AGPAT4: variants seen among roughly 807,000 people sequenced by gnomAD.
AGPAT4 encodes 1-acyl-sn-glycerol-3-phosphate acyltransferase delta.
Under a neutral mutation model 48.0 loss-of-function variants are expected in AGPAT4, and 15 were observed. That is an observed-to-expected ratio of 0.31 (90% CI 0.21 to 0.48). AGPAT4 has a LOEUF of 0.48. AGPAT4 is among the 20% of genes least tolerant of loss of function. AGPAT4 has a pLI of 0.99. For synonymous variants in AGPAT4, 178 were observed against 198.7 expected, an observed-to-expected ratio of 0.90 and a Z score of 0.88; for missense variants, 314 against 482.5, an observed-to-expected ratio of 0.65 and a Z score of 3.27.
rs1562331686 is a variant in AGPAT4, at chr6:161,192,034, C to CTT, written c.179-25618_179-25617insAA. 3.0e-4 allele frequency among the ~76,000 whole-genome samples: 39 copies of CTT among 131,938 alleles called. 1 individual carries two copies. Among genetic ancestry groups the CTT allele is most frequent in the African/African-American group, 1.3e-3 (36 of 28,434 alleles). The allele number at this position is 131,938 out of a possible 152,430, so 86.6% of individuals were successfully genotyped here. On this transcript the variant is annotated intron_variant, in intron 2 of 8. Coordinates refer to ENST00000320285, the MANE Select transcript of AGPAT4 (RefSeq NM_020133.3). ...CAAGGATTGTCCTATTTTGTGCATT[C>CTT]CTTTTTTTTTTTTTTTGTCTCATGT...
At chr6:161,167,181 G>A (rs771614749) in intron 2 of AGPAT4, among the ~76,000 whole-genome samples, 1 of 152,096 alleles carries the variant, frequency 6.6e-6, no homozygotes. Context: ...TGAAGTTGAC[G>A]GTGTTCAGTA....
intron 2 of AGPAT4, among the ~76,000 whole-genome samples, chr6:161,190,963 C>A (rs991300546): frequency 7.9e-5 from 12 of 152,188 alleles, no homozygotes; most frequent in African/African-American, 2.7e-4. Context: ...TTTTTCCAGT[C>A]TGGATTTCCC....
In AGPAT4 at chr6:161,131,161, C is replaced by A; in HGVS notation, c.*5379G>T. 1 of 297,086 alleles carries A rather than the reference C, an allele frequency of 3.4e-6. No individual in the cohort carries two copies. 18.4% of individuals were successfully genotyped at this position (297,086 alleles called of 1,614,324 possible). On this transcript the variant is annotated 3_prime_UTR_variant, in exon 9 of 9. Transcript: ENST00000320285. The stretch of plus-strand genomic sequence containing the variant: ...ACAAGACTGCCTTGTTTTAAAAAAA[C>A]AAATTAAATGTAAAAATTGTATGAC...
At chr6:161,256,351 G>T (rs1038789548) in intron 1 of AGPAT4, among the ~76,000 whole-genome samples, 3 of 152,184 alleles carry the variant, frequency 2.0e-5, no homozygotes, top group Admixed American at 1.3e-4. Flanking sequence ...GAAGAATTAG[G>T]CTTTGTGCCT....
chr6:161,249,750 G>A lies in AGPAT4; in HGVS notation c.-89-17448C>T, dbSNP rs1210110675. On this transcript the variant is annotated intron_variant, in intron 1 of 8. Coordinates refer to ENST00000320285, the MANE Select transcript of AGPAT4 (RefSeq NM_020133.3). The surrounding 1 kb of genome is among the most constrained non-coding windows in gnomAD (Gnocchi z 6.2). ...TTCAACCATTGTGGAAAACAGTGTC[G>A]CAATTCCTCAAAGACCTAAAAACAG... Among the ~76,000 whole-genome samples, 7 of 152,250 alleles carry A rather than the reference G, an allele frequency of 4.6e-5. No homozygotes were observed. The highest frequency in any genetic ancestry group is 2.1e-4 in the South Asian group (1 of 4,818).
chr6:161,133,156 A>G lies in AGPAT4; in HGVS notation c.*3384T>C, dbSNP rs897607386. The G allele has an allele frequency of 1.3e-5, 2 of 152,206 alleles. No individual in the cohort carries two copies. The highest frequency in any genetic ancestry group is 1.3e-4 in the Admixed American group (2 of 15,280). 9.4% of individuals were successfully genotyped at this position (152,206 alleles called of 1,614,324 possible). The stretch of plus-strand genomic sequence containing the variant: ...TGGTCAATATTTATGAATAAGTTCT[A>G]AAGCCTATGCGAAGCCCATTCTGTT... On this transcript the variant is annotated 3_prime_UTR_variant, in exon 9 of 9. Coordinates refer to ENST00000320285, the MANE Select transcript of AGPAT4 (RefSeq NM_020133.3).
At chr6:161,186,059 AC>A (rs1780759329) in intron 2 of AGPAT4, among the ~76,000 whole-genome samples, 1 of 152,008 alleles carries the variant, frequency 6.6e-6, no homozygotes. Context: ...TTTTCTCCTC[AC>A]CCCATTAACA....
chr6:161,177,344 T>G lies in AGPAT4; in HGVS notation c.179-10927A>C, dbSNP rs971892376. The stretch of plus-strand genomic sequence containing the variant: ...TTCTTGGAGGCTTTGTTTGTTTCTT[T>G]TTACTCTTCTTTCTCTAAACTTCTC... On this transcript the variant is annotated intron_variant, in intron 2 of 8. Transcript: ENST00000320285. This position sits in a 1 kb window ranked among gnomAD's most constrained non-coding sequence, Gnocchi z 5.0. 6.6e-6 allele frequency among the ~76,000 whole-genome samples: 1 copy of G among 152,212 alleles called. No individual in the cohort carries two copies. The highest frequency in any genetic ancestry group is 2.4e-5 in the African/African-American group (1 of 41,452).
Position 161,246,361 on chromosome 6 carries a change from T to C in AGPAT4, c.-89-14059A>G, listed in dbSNP as rs1459030077. 6.6e-6 allele frequency among the ~76,000 whole-genome samples: 1 copy of C among 152,202 alleles called. No individual in the cohort carries two copies. Among genetic ancestry groups the C allele is most frequent in the East Asian group, 1.9e-4 (1 of 5,200 alleles). ...AAAAATTCATTGATTCATATTTAAG[T>C]TCTACTATATACTAACATTGCATTA... On this transcript the variant is annotated intron_variant, in intron 1 of 8. Transcript: ENST00000320285. The surrounding 1 kb of genome is among the most constrained non-coding windows in gnomAD (Gnocchi z 5.5).
Position 161,161,153 on chromosome 6 carries a change from G to A in AGPAT4, c.348+5095C>T, listed in dbSNP as rs1285567412. The A allele has an allele frequency of 2.6e-5, 12 of 456,592 alleles. No individual in the cohort carries two copies. In the East Asian group the frequency reaches 3.5e-4, roughly 13 times the overall value. The allele number at this position is 456,592 out of a possible 1,614,324, so 28.3% of individuals were successfully genotyped here. ...TTTCAACAACCCTGGCTTTATGAGCGGTGGGATCAGACTCTGGCTTGTTAA... is the reference window on the plus strand; with the variant it reads ...TTTCAACAACCCTGGCTTTATGAGCAGTGGGATCAGACTCTGGCTTGTTAA... On this transcript the variant is annotated intron_variant, in intron 3 of 8. Transcript: ENST00000320285. This position sits in a 1 kb window ranked among gnomAD's most constrained non-coding sequence, Gnocchi z 4.6.
chr6:161,137,432 A>G lies in AGPAT4; in HGVS notation c.1043-798T>C, dbSNP rs954180880. ...ATGATGCACAGGATTATCTAGCATT[A>G]GCATCGCGGTCGATAAACTAACTGG... On this transcript the variant is annotated intron_variant, in intron 8 of 8. Transcript: ENST00000320285. This position sits in a 1 kb window ranked among gnomAD's most constrained non-coding sequence, Gnocchi z 6.1. 6.6e-5 allele frequency among the ~76,000 whole-genome samples: 10 copies of G among 152,358 alleles called. No individual in the cohort carries two copies. The highest frequency in any genetic ancestry group is 6.5e-4 in the Admixed American group (10 of 15,302).
rs1197994733 is a variant in AGPAT4, at chr6:161,208,328, A to G, written c.178+23708T>C. ...AACTTCCCTAACAATGTGCTCTTGT[A>G]CATTTATCATCTTTCTGGCTTTGGC... is the stretch of plus-strand genomic sequence containing the variant. On this transcript the variant is annotated intron_variant, in intron 2 of 8. Coordinates refer to ENST00000320285, the MANE Select transcript of AGPAT4 (RefSeq NM_020133.3). This position sits in a 1 kb window ranked among gnomAD's most constrained non-coding sequence, Gnocchi z 4.6. 6.6e-6 allele frequency among the ~76,000 whole-genome samples: 1 copy of G among 152,176 alleles called. No homozygotes were observed. The highest frequency in any genetic ancestry group is 1.5e-5 in the Non-Finnish European group (1 of 68,036).
rs969798877 is a variant in AGPAT4, at chr6:161,148,362, C to G, written c.767+825G>C. 2.6e-5 allele frequency among the ~76,000 whole-genome samples: 4 copies of G among 152,212 alleles called. No individual in the cohort carries two copies. The highest frequency in any genetic ancestry group is 5.9e-5 in the Non-Finnish European group (4 of 68,044). ...AAGCTACTTAACTTTGGCCGCCAGT[C>G]CACCAAAATATCTCCCAGGAAAGCC... On this transcript the variant is annotated intron_variant, in intron 6 of 8. Coordinates refer to ENST00000320285, the MANE Select transcript of AGPAT4 (RefSeq NM_020133.3). This position sits in a 1 kb window ranked among gnomAD's most constrained non-coding sequence, Gnocchi z 5.5.
rs1361738781 is a variant in AGPAT4 at position 161,147,421 on chromosome 6, T to C, written c.768-822A>G. Among the ~76,000 whole-genome samples the C allele has an allele frequency of 6.6e-6, 1 of 152,234 alleles. No homozygotes were observed. The highest frequency in any genetic ancestry group is 1.5e-5 in the Non-Finnish European group (1 of 68,038). Reference sequence around the variant, plus strand: ...GTTCATTTATACTCAATTTTGTCCATGTCAAAGTCTGCATCTGGCTTGATT... The same window carrying C: ...GTTCATTTATACTCAATTTTGTCCACGTCAAAGTCTGCATCTGGCTTGATT... On this transcript the variant is annotated intron_variant, in intron 6 of 8. Transcript: ENST00000320285. This position sits in a 1 kb window ranked among gnomAD's most constrained non-coding sequence, Gnocchi z 4.8.
Position 161,137,446 on chromosome 6 carries a change from TAAAC to T in AGPAT4, c.1043-816_1043-813del, listed in dbSNP as rs1458055553. On this transcript the variant is annotated intron_variant, in intron 8 of 8. Transcript: ENST00000320285. This position sits in a 1 kb window ranked among gnomAD's most constrained non-coding sequence, Gnocchi z 6.1. ...TATCTAGCATTAGCATCGCGGTCGA[TAAAC>T]TAACTGGGACATGGATGCAAGAGCC... Among the ~76,000 whole-genome samples the T allele has an allele frequency of 1.3e-5, 2 of 152,192 alleles. No homozygotes were observed. Among genetic ancestry groups the T allele is most frequent in the African/African-American group, 2.4e-5 (1 of 41,434 alleles).
Position 161,238,104 on chromosome 6 carries a change from A to C in AGPAT4, c.-89-5802T>G, listed in dbSNP as rs1782353861. On this transcript the variant is annotated intron_variant, in intron 1 of 8. Coordinates refer to ENST00000320285, the MANE Select transcript of AGPAT4 (RefSeq NM_020133.3). This position sits in a 1 kb window ranked among gnomAD's most constrained non-coding sequence, Gnocchi z 5.2. ...GGGGGGGTTGGGGGGCGGGAGGCAG[A>C]ATGCAGCATAGTTGTTGGAGCTTCC... 6.6e-6 allele frequency among the ~76,000 whole-genome samples: 1 copy of C among 151,804 alleles called. No individual in the cohort carries two copies. The highest frequency in any genetic ancestry group is 2.4e-5 in the African/African-American group (1 of 41,316).
At chr6:161,187,439 A>C (rs1247560277) in intron 2 of AGPAT4, among the ~76,000 whole-genome samples, 1 of 152,178 alleles carries the variant, frequency 6.6e-6, no homozygotes, top group African/African-American at 2.4e-5. Context: ...TGTGTAGCTA[A>C]GGAAAAATTC....
At position 161,159,022 on chromosome 6, in the gene AGPAT4, G is replaced by GAGGTAT. The variant is rs1190678684; in HGVS notation, c.349-4718_349-4713dup. Among the ~76,000 whole-genome samples the GAGGTAT allele has an allele frequency of 4.6e-5, 7 of 152,324 alleles. No individual in the cohort carries two copies. The highest frequency in any genetic ancestry group is 2.1e-4 in the South Asian group (1 of 4,832). On this transcript the variant is annotated intron_variant, in intron 3 of 8. Coordinates refer to ENST00000320285, the MANE Select transcript of AGPAT4 (RefSeq NM_020133.3). This position sits in a 1 kb window ranked among gnomAD's most constrained non-coding sequence, Gnocchi z 4.1. ...TTTATTTCTACTAAATATATAAAAT[G>GAGGTAT]AGGTATCTTAAGTGGAACTTCAAAA...
rs776142532 is a variant in AGPAT4, at chr6:161,261,012, A to C, written c.-90+12926T>G. 2.2e-3 allele frequency among the ~76,000 whole-genome samples: 328 copies of C among 152,272 alleles called. 1 individual carries two copies. The highest frequency in any genetic ancestry group is 3.1e-3 in the Non-Finnish European group (208 of 68,008). On this transcript the variant is annotated intron_variant, in intron 1 of 8. Coordinates refer to ENST00000320285, the MANE Select transcript of AGPAT4 (RefSeq NM_020133.3). This position sits in a 1 kb window ranked among gnomAD's most constrained non-coding sequence, Gnocchi z 5.3. Reference sequence around the variant, plus strand: ...CTGAACCACGTCTTCGCCTTCTAGAATTTCCTGAGCAGGGCTCACTCTGGT... The same window carrying C: ...CTGAACCACGTCTTCGCCTTCTAGACTTTCCTGAGCAGGGCTCACTCTGGT...
Sources: allele counts gnomAD v4.1 joint callset (sites outside exome capture counted in the v4.1 genomes callset), GRCh38; gene constraint gnomAD v4.1.1; non-coding constraint Gnocchi (gnomAD v3.1); transcripts MANE v1.5; gene names NCBI Gene and HGNC (gene_info 2026-07-23, HGNC 2026-07-21).